The following NID1 variants were observed in gnomAD, a reference collection of about 807,000 sequenced individuals.
The protein encoded by NID1 is nidogen 1.
NID1 carries 76 observed loss-of-function variants against 130.6 expected under a neutral mutation model. The ratio of observed to expected loss-of-function variants is 0.58; its 90% CI spans 0.48 to 0.70. The LOEUF is 0.70. Among genes scored for constraint, NID1 ranks in the 30% least tolerant of loss-of-function variants. The pLI, the probability that NID1 is intolerant of heterozygous loss-of-function variation, is 0.00. For missense variants in NID1, 1,517 were observed against 1,664.8 expected, an observed-to-expected ratio of 0.91 and a Z score of 1.54; for synonymous variants, 665 against 675.1, an observed-to-expected ratio of 0.98 and a Z score of 0.23.
chr1:236,017,423 C>T (rs1005292228), intron 9 of NID1, 150 bp from the exon 10 acceptor site: 22 of 841,812 alleles, frequency 2.6e-5, no homozygotes, highest in Non-Finnish European at 3.6e-5. Context: ...CTTGCTCTGT[C>T]GCCCAGAGCT....
intron 1 of NID1, among the ~76,000 whole-genome samples, chr1:236,060,337 G>A (rs111890111): frequency 0.016 from 2,364 of 152,204 alleles, 72 homozygotes; most frequent in African/African-American, 0.055. Context: ...TCTCATCGCC[G>A]TCTTGGTTTT....
chr1:236,007,732 CATCACAGA>C lies in NID1; in HGVS notation c.2527+4181_2527+4188del, dbSNP rs1480251661. Among the ~76,000 whole-genome samples, 11 of 152,266 alleles carry C rather than the reference CATCACAGA, an allele frequency of 7.2e-5. 1 individual carries two copies. The South Asian group carries it at 2.1e-3, about 29-fold the overall frequency. On this transcript the variant is annotated intron_variant, in intron 12 of 19. Transcript: ENST00000264187. Reference sequence around the variant, plus strand: ...TCCTTCAGCAGGGATCCTTCTTTGCCATCACAGAAGACCACAGCCCCGACTAATGTCTC... The same window carrying C: ...TCCTTCAGCAGGGATCCTTCTTTGCCAGACCACAGCCCCGACTAATGTCTC...
rs1015529004 is a variant in NID1 at position 236,038,225 on chromosome 1, C to A, written c.1164G>T (p.Gln388His). 1 of 1,613,310 alleles carries A rather than the reference C, an allele frequency of 6.2e-7. No individual in the cohort carries two copies. The highest frequency in any genetic ancestry group is 2.2e-5 in the East Asian group (1 of 44,856). Reference sequence around the variant, plus strand: ...ACTGGTGTCTGTTGTTAGCACACGTCTGGCGGGAATCCGTGTTATAGCTGA... The same window carrying A: ...ACTGGTGTCTGTTGTTAGCACACGTATGGCGGGAATCCGTGTTATAGCTGA... Reference protein sequence around the residue: ...VVFSYNTDSRQTCANNRHQCS... With the variant: ...VVFSYNTDSRHTCANNRHQCS... The change falls in exon 5 of 20, where the codon CAG becomes CAT. Residue 388 changes from glutamine to histidine, a missense_variant. By Grantham distance (24) the Gln-to-His change is conservative. Transcript: ENST00000264187.
intron 12 of NID1, among the ~76,000 whole-genome samples, chr1:236,011,431 T>G (rs1658407876): frequency 6.6e-6 from 1 of 151,870 alleles, no homozygotes; most frequent in Non-Finnish European, 1.5e-5. Flanking sequence ...GCCTCCGTAG[T>G]AGCTGGGATT....
intron 5 of NID1, 90 bp downstream of exon 5, chr1:236,038,014 T>C: frequency 2.1e-6 from 3 of 1,434,326 alleles, no homozygotes; most frequent in East Asian, 2.4e-5. Flanking sequence ...CCTACGGAGA[T>C]GTGGGTAAAG....
chr1:236,000,404 T>G (rs1658044479), intron 12 of NID1, among the ~76,000 whole-genome samples: 1 of 152,218 alleles, frequency 6.6e-6, no homozygotes, highest in Non-Finnish European at 1.5e-5. Context: ...GTTCCAGGTT[T>G]TTAGATAATA....
intron 4 of NID1, among the ~76,000 whole-genome samples, chr1:236,040,580 T>G (rs924684014): frequency 6.6e-6 from 1 of 152,046 alleles, no homozygotes; most frequent in Non-Finnish European, 1.5e-5. Flanking sequence ...AGGCTTGGAC[T>G]ATCCCATTTA....
intron 1 of NID1, among the ~76,000 whole-genome samples, chr1:236,050,380 C>T (rs561088972): frequency 2.6e-4 from 39 of 151,788 alleles, no homozygotes; most frequent in Non-Finnish European, 4.3e-4. Flanking sequence ...ATGGTGAAAC[C>T]CTGTCTCTAA....
At chr1:236,040,128 C>T (rs1369379773) in intron 4 of NID1, among the ~76,000 whole-genome samples, 1 of 152,112 alleles carries the variant, frequency 6.6e-6, no homozygotes, top group East Asian at 1.9e-4. Context: ...ATTTCAGAGA[C>T]ACCTAGAAAG....
chr1:236,026,053 C>T lies in NID1; in HGVS notation c.1827G>A (p.Trp609Ter). 1 of 1,613,754 alleles carries T rather than the reference C, an allele frequency of 6.2e-7. No homozygotes were observed. ...ASPSRIYTYQWRQTITFQECV... is the reference protein window; with the variant it reads ...ASPSRIYTYQ ...ATTCCTGGAAGGTGATGGTCTGGCGCCACTGGTAAGTGTAGATGCGTGAAG... is the reference window on the plus strand; with the variant it reads ...ATTCCTGGAAGGTGATGGTCTGGCGTCACTGGTAAGTGTAGATGCGTGAAG... Residue 609 changes from tryptophan (W) to a stop codon, truncating the protein, a stop_gained, in exon 8 of 20, where the codon TGG becomes TGA. Transcript: ENST00000264187. LOFTEE classifies it high-confidence loss of function.
At chr1:236,026,841 C>T (rs564219720) in intron 7 of NID1, among the ~76,000 whole-genome samples, 42 of 151,634 alleles carry the variant, frequency 2.8e-4, no homozygotes, top group African/African-American at 8.0e-4. Flanking sequence ...TGGGTTCAAG[C>T]GATTCTCCCA....
chr1:236,002,230 C>T (rs1430581567), intron 12 of NID1, among the ~76,000 whole-genome samples: 4 of 152,100 alleles, frequency 2.6e-5, no homozygotes, highest in Admixed American at 1.3e-4. Flanking sequence ...AGGCTGGGCG[C>T]GGTGGCTCAC....
intron 8 of NID1, among the ~76,000 whole-genome samples, chr1:236,025,265 T>C (rs1223546719): frequency 1.4e-5 from 2 of 143,844 alleles, no homozygotes; most frequent in Admixed American, 7.0e-5. Context: ...CAATTTCTCT[T>C]TTTTTTTTTT....
intron 14 of NID1, among the ~76,000 whole-genome samples, chr1:235,986,020 C>T (rs557191562): frequency 6.6e-6 from 1 of 152,168 alleles, no homozygotes; most frequent in South Asian, 2.1e-4. Context: ...CTCAGCCTCC[C>T]AAAGTGCTGG....
Position 236,045,427 on chromosome 1 carries a change from A to G in NID1, c.752+30T>C, listed in dbSNP as rs760143085. ...ATCCACATTAAAAAATATTAAGAGG[A>G]GAATCTACTGAAGAACAAAGAAAGC... On this transcript the variant is annotated intron_variant, in intron 3 of 19. Transcript: ENST00000264187. The G allele has an allele frequency of 2.1e-6, 3 of 1,443,442 alleles. No individual in the cohort carries two copies. In the South Asian group the frequency reaches 3.4e-5, roughly 17 times the overall value. The allele number at this position is 1,443,442 out of a possible 1,614,324, so 89.4% of individuals were successfully genotyped here. A position where few individuals can be genotyped will look rare whatever the true frequency, so the allele number is the denominator to read the frequency against.
chr1:235,988,536 C>T (rs147398662), intron 14 of NID1, among the ~76,000 whole-genome samples: 42 of 152,164 alleles, frequency 2.8e-4, no homozygotes, highest in African/African-American at 8.0e-4. Flanking sequence ...GTATATGTAT[C>T]GAAAAGAAGT....
chr1:236,045,393 C>G (rs1185445287), intron 3 of NID1, 64 bp downstream of exon 3: 3 of 1,190,714 alleles, frequency 2.5e-6, no homozygotes. Flanking sequence ...CTATAATACA[C>G]ATTACATTAT....
chr1:236,039,359 G>A (rs184586694), intron 4 of NID1, among the ~76,000 whole-genome samples: 3 of 151,296 alleles, frequency 2.0e-5, no homozygotes, highest in East Asian at 1.9e-4. Flanking sequence ...GACTGCAGGC[G>A]GGTGCCATTG....
intron 12 of NID1, among the ~76,000 whole-genome samples, chr1:236,001,080 A>G (rs1658060978): frequency 6.6e-6 from 1 of 151,098 alleles, no homozygotes; most frequent in Non-Finnish European, 1.5e-5. Flanking sequence ...TGCAGTGAAC[A>G]GTCCCTGGTC....
Sources: allele counts gnomAD v4.1 joint callset (sites outside exome capture counted in the v4.1 genomes callset), GRCh38; gene constraint gnomAD v4.1.1; transcripts MANE v1.5; gene names NCBI Gene and HGNC (gene_info 2026-07-23, HGNC 2026-07-21).